Variants in ANKAR observed in about 807,000 individuals in gnomAD.
ANKAR encodes the protein ankyrin and armadillo repeat-containing protein.
ANKAR carries 136 observed loss-of-function variants against 146.2 expected under a neutral mutation model. The observed-to-expected ratio is 0.93, with a 90% CI of 0.81 to 1.07. The LOEUF is 1.07. Ranked by LOEUF, ANKAR falls within the 50% of genes least tolerant of loss-of-function variation. ANKAR has a pLI of 0.00. For missense variants in ANKAR, 1,567 were observed against 1,679.9 expected (o/e 0.93, Z 1.18); for synonymous variants, 500 against 575.8 (o/e 0.87, Z 1.88).
At position 189,726,356 on chromosome 2, in the gene ANKAR, G is replaced by A. The variant is rs528682503; in HGVS notation, c.2636-1500G>A. On this transcript the variant is annotated intron_variant, in intron 12 of 22. Coordinates refer to ENST00000684021, the MANE Select transcript of ANKAR (RefSeq NM_001378068.1). The stretch of plus-strand genomic sequence containing the variant: ...TTGAAATGAGGTTGCTATGTTGCCC[G>A]GGCTGATCTTGAACCCCTGGGCTCA... 5.3e-5 allele frequency among the ~76,000 whole-genome samples: 8 copies of A among 151,926 alleles called. No homozygotes were observed. The South Asian group carries it at 8.3e-4, about 16-fold the overall frequency.
rs1380472154 is a variant in ANKAR at position 189,754,512 on chromosome 2, C to G, written c.*585-6586C>G. ...TATAGCTGATATTCAGGTAAGCAGA[C>G]AACCCTGTTCCTTATGATGACCCGA... On this transcript the variant is annotated intron_variant and NMD_transcript_variant, in intron 18 of 18. Coordinates refer to the ANKAR transcript ENST00000441800. 4 of 615,138 alleles carry G rather than the reference C, an allele frequency of 6.5e-6. No individual in the cohort carries two copies. The Admixed American group carries it at 1.3e-4, about 20-fold the overall frequency. The allele number at this position is 615,138 out of a possible 1,614,324, so 38.1% of individuals were successfully genotyped here.
intron 2 of ANKAR, among the ~76,000 whole-genome samples, chr2:189,682,936 A>G (rs2034961170): frequency 6.6e-6 from 1 of 152,212 alleles, no homozygotes; most frequent in African/African-American, 2.4e-5. Context: ...TGTCTCCCCA[A>G]AATTCAAATG....
At chr2:189,697,962 A>G (rs1204580655) in intron 7 of ANKAR, among the ~76,000 whole-genome samples, 4 of 152,080 alleles carry the variant, frequency 2.6e-5, no homozygotes, top group African/African-American at 4.8e-5. Context: ...GTTCGATGTA[A>G]TCTTGCCAGA....
intron 7 of ANKAR, among the ~76,000 whole-genome samples, chr2:189,698,910 A>G (rs755990892): frequency 6.6e-6 from 1 of 152,312 alleles, no homozygotes; most frequent in South Asian, 2.1e-4. Context: ...CCCTGTAGAA[A>G]TTTCCAGTTG....
rs552319617 is a variant in ANKAR at position 189,740,433 on chromosome 2, G to A, written c.3701-909G>A. Reference sequence around the variant, plus strand: ...AAATATAAGGAGAACAAAAACTCACGTCATATCTCAATAAAGTATCCACAT... The same window carrying A: ...AAATATAAGGAGAACAAAAACTCACATCATATCTCAATAAAGTATCCACAT... On this transcript the variant is annotated intron_variant, in intron 19 of 22. Coordinates refer to ENST00000684021, the MANE Select transcript of ANKAR (RefSeq NM_001378068.1). Among the ~76,000 whole-genome samples, 9 of 152,236 alleles carry A rather than the reference G, an allele frequency of 5.9e-5. No homozygotes were observed. The South Asian group carries it at 1.9e-3, about 32-fold the overall frequency.
intron 18 of ANKAR, chr2:189,754,228 A>G (rs1488414763): frequency 6.2e-7 from 1 of 1,613,782 alleles, no homozygotes; most frequent in Non-Finnish European, 8.5e-7. Flanking sequence ...GCATGATGCA[A>G]GGGAGGTTTG....
chr2:189,744,032 T>C (rs2043717701), intron 21 of ANKAR, among the ~76,000 whole-genome samples: 1 of 152,208 alleles, frequency 6.6e-6, no homozygotes, highest in Non-Finnish European at 1.5e-5. Context: ...TATGGGTATA[T>C]TTTCTCTTCT....
At chr2:189,704,580 T>G (rs2038619512) in intron 7 of ANKAR, among the ~76,000 whole-genome samples, 4 of 117,826 alleles carry the variant, frequency 3.4e-5, no homozygotes, top group Non-Finnish European at 7.0e-5. Context: ...TATATATATA[T>G]ATATATATAT....
chr2:189,747,338 C>CAAA (rs5837164), downstream of ANKAR: 2,755 of 74,676 alleles, frequency 0.037, 305 homozygotes, highest in African/African-American at 0.06. Context: ...GACCCTGTCT[C>CAAA]AAAAAAAAAA....
chr2:189,689,444 A>T (rs1472970755), intron 2 of ANKAR, 83 bp from the exon 3 acceptor site: 2 of 1,153,160 alleles, frequency 1.7e-6, no homozygotes, highest in African/African-American at 3.1e-5. Flanking sequence ...TCATGATAAA[A>T]TCCTGTGTTC....
chr2:189,712,443 G>T (rs1319029408), intron 10 of ANKAR, among the ~76,000 whole-genome samples: 1 of 152,220 alleles, frequency 6.6e-6, no homozygotes, highest in Non-Finnish European at 1.5e-5. Context: ...AATTTTTGCT[G>T]TTCTGCAGCC....
Position 189,696,136 on chromosome 2 carries a change from C to G in ANKAR, c.1489-14C>G. ...TGCATTTTGATAAACTGATTCTGGC[C>G]TTCTTAATTTTAGAGTATTCCATTT... On this transcript the variant is annotated splice_polypyrimidine_tract_variant and intron_variant, in intron 6 of 22. Transcript: ENST00000684021. 1 of 1,611,330 alleles carries G rather than the reference C, an allele frequency of 6.2e-7. No individual in the cohort carries two copies.
Position 189,677,028 on chromosome 2 carries a change from G to T in ANKAR, c.538G>T (p.Asp180Tyr). 6.2e-7 allele frequency: 1 copy of T among 1,610,148 alleles called. No homozygotes were observed. The highest frequency in any genetic ancestry group is 8.5e-7 in the Non-Finnish European group (1 of 1,178,944). Residue 180 changes from aspartate (D) to tyrosine (Y), a missense_variant, in exon 2 of 23, where the codon GAC becomes TAC. Transcript: ENST00000684021. ...CTCTGAATTGTGGCGTGCCATCATG[G>T]ACATTGATCCTGATGGAAAACCTCA... ...RFSELWRAIM[D>Y]IDPDGKPQTN... is the part of the protein sequence containing the mutation.
chr2:189,733,166 C>A lies in ANKAR; in HGVS notation c.3360C>A (p.Asp1120Glu), dbSNP rs1268062852. Reference sequence around the variant, plus strand: ...TAGGGAATGATGTGTTACAGAAAGACTTACATGAAAATGAAGGATTTGAAT... The same window carrying A: ...TAGGGAATGATGTGTTACAGAAAGAATTACATGAAAATGAAGGATTTGAAT... ...IVLGNDVLQK[D>E]LHENEGFEYA... The change falls in exon 17 of 23, where the codon GAC becomes GAA. Residue 1120 changes from aspartate (D) to glutamate (E), a missense_variant. Transcript: ENST00000684021. The A allele has an allele frequency of 6.2e-7, 1 of 1,612,704 alleles. No homozygotes were observed. Among genetic ancestry groups the A allele is most frequent in the Non-Finnish European group, 8.5e-7 (1 of 1,179,218 alleles).
chr2:189,727,183 A>C (rs1299719955), intron 12 of ANKAR, among the ~76,000 whole-genome samples: 1 of 152,188 alleles, frequency 6.6e-6, no homozygotes, highest in Non-Finnish European at 1.5e-5. Context: ...CAGTACCAAA[A>C]ATACAAAACA....
At chr2:189,691,996 A>G (rs2036487685) in intron 3 of ANKAR, among the ~76,000 whole-genome samples, 1 of 152,170 alleles carries the variant, frequency 6.6e-6, no homozygotes, top group South Asian at 2.1e-4. Flanking sequence ...TTCTAGGCTC[A>G]AGCGATCCGC....
chr2:189,692,637 G>A (rs988583172), intron 4 of ANKAR: 2 of 412,866 alleles, frequency 4.8e-6, no homozygotes, highest in Non-Finnish European at 8.4e-6. Flanking sequence ...TTATAAATAA[G>A]CTAGGTACAT....
rs764605774 is a variant in ANKAR at position 189,743,294 on chromosome 2, C to G, written c.3830C>G (p.Ser1277Cys). 6 of 1,613,670 alleles carry G rather than the reference C, an allele frequency of 3.7e-6. No homozygotes were observed. The highest frequency in any genetic ancestry group is 5.1e-6 in the Non-Finnish European group (6 of 1,179,814). Reference sequence around the variant, plus strand: ...ATTTAGGTTCGTGCAGCTTGTTCCTCTGCTCTTGGCTACTTAACATACAAT... The same window carrying G: ...ATTTAGGTTCGTGCAGCTTGTTCCTGTGCTCTTGGCTACTTAACATACAAT... ...GIEEVRAACS[S>C]ALGYLTYNAN... Residue 1277 changes from serine (S) to cysteine (C), a missense_variant, in exon 21 of 23, where the codon TCT (serine) becomes TGT (cysteine). Coordinates refer to ENST00000684021, the MANE Select transcript of ANKAR (RefSeq NM_001378068.1).
chr2:189,718,765 C>T (rs1380173396), intron 10 of ANKAR, among the ~76,000 whole-genome samples: 5 of 129,848 alleles, frequency 3.9e-5, no homozygotes, highest in African/African-American at 1.2e-4. Flanking sequence ...TTTTTTGAGA[C>T]GGAGTCTCGC....
Sources: allele counts gnomAD v4.1 joint callset (sites outside exome capture counted in the v4.1 genomes callset), GRCh38; gene constraint gnomAD v4.1.1; transcripts MANE v1.5; gene names NCBI Gene and HGNC (gene_info 2026-07-23, HGNC 2026-07-21).